Variants in RYR2 observed in about 807,000 individuals in gnomAD.
RYR2 encodes the protein cardiac muscle ryanodine receptor-calcium release channel.
Under a neutral mutation model 601.1 loss-of-function variants are expected in RYR2, and 227 were observed. The ratio of observed to expected loss-of-function variants is 0.38; its 90% CI spans 0.34 to 0.42. The LOEUF (loss-of-function observed/expected upper bound fraction) is 0.42, where lower values mean the gene tolerates loss of function less well. Among genes scored for constraint, RYR2 ranks in the 10% least tolerant of loss-of-function variants. RYR2 has a pLI of 1.00. For synonymous variants in RYR2, 2,223 were observed against 2,175.1 expected, an observed-to-expected ratio of 1.02 and a Z score of -0.61; for missense variants, 4,646 against 6,156.5, an observed-to-expected ratio of 0.75 and a Z score of 8.21.
At chr1:237,095,587 C>CTAGGCA (rs1217354201) in intron 1 of RYR2, among the ~76,000 whole-genome samples, 2 of 152,226 alleles carry the variant, frequency 1.3e-5, no homozygotes, top group African/African-American at 4.8e-5. Flanking sequence ...AGCTACAGAG[C>CTAGGCA]ATCCCCCTAG....
intron 53 of RYR2, 127 bp downstream of exon 53, chr1:237,656,111 G>A: frequency 1.2e-5 from 8 of 686,150 alleles, no homozygotes; most frequent in South Asian, 5.1e-5. Flanking sequence ...TTTTAATAGG[G>A]GTCCCTTTAA....
intron 34 of RYR2, among the ~76,000 whole-genome samples, chr1:237,598,084 T>G (rs1676079805): frequency 6.6e-6 from 1 of 152,112 alleles, no homozygotes; most frequent in Non-Finnish European, 1.5e-5. Flanking sequence ...TCAAAGAAGG[T>G]CATTAATAGA....
chr1:237,065,040 C>T (rs1218771224), intron 1 of RYR2, among the ~76,000 whole-genome samples: 2 of 151,900 alleles, frequency 1.3e-5, no homozygotes, highest in African/African-American at 4.8e-5. Context: ...TCTTAAGAAA[C>T]TTTTTAGGTT....
intron 4 of RYR2, among the ~76,000 whole-genome samples, chr1:237,359,454 G>A (rs1297963491): frequency 6.6e-6 from 1 of 152,156 alleles, no homozygotes; most frequent in African/African-American, 2.4e-5. Flanking sequence ...ACAGTGACCT[G>A]TTTTAACTTC....
chr1:237,801,962 T>C, intron 98 of RYR2, 46 bp downstream of exon 98: 1 of 1,202,124 alleles, frequency 8.3e-7, no homozygotes, highest in Non-Finnish European at 1.2e-6. Flanking sequence ...TCTGATTAGA[T>C]AAGACTGTGG....
In RYR2 at chr1:237,773,326, A is replaced by G. The variant is rs79211003; in HGVS notation, c.11647-194A>G. Among the ~76,000 whole-genome samples the G allele has an allele frequency of 5.1e-3, 775 of 152,304 alleles. 7 individuals carry two copies. Among genetic ancestry groups the G allele is most frequent in the African/African-American group, 0.018 (736 of 41,580 alleles). The stretch of plus-strand genomic sequence containing the variant: ...CTTGTCTTCTCTTCAGTTGTTAGCT[A>G]TATCTAAGAAGGAGGTTCACATATT... On this transcript the variant is annotated intron_variant, in intron 86 of 104. Transcript: ENST00000366574.
chr1:237,806,338 A>T, intron 99 of RYR2, 55 bp downstream of exon 99: 1 of 1,530,960 alleles, frequency 6.5e-7, no homozygotes, highest in Non-Finnish European at 8.9e-7. Context: ...AACAAATAAA[A>T]CAAAGAAAAA....
At position 237,680,447 on chromosome 1, in the gene RYR2, T is replaced by G; in HGVS notation, c.8896-9T>G. 2.5e-6 allele frequency: 4 copies of G among 1,607,992 alleles called. No individual in the cohort carries two copies. Among genetic ancestry groups the G allele is most frequent in the Non-Finnish European group, 3.4e-6 (4 of 1,175,616 alleles). On this transcript the variant is annotated splice_polypyrimidine_tract_variant and intron_variant, in intron 61 of 104. Coordinates refer to ENST00000366574, the MANE Select transcript of RYR2 (RefSeq NM_001035.3). ...CTACGTAGATCTGTCTTCTTTTCCTTTCTTTCAGGTCGTTCTTCCTTTAAT... is the reference window on the plus strand; with the variant it reads ...CTACGTAGATCTGTCTTCTTTTCCTGTCTTTCAGGTCGTTCTTCCTTTAAT...
chr1:237,589,869 A>G lies in RYR2; in HGVS notation c.3675A>G (p.Lys1225=). 1.2e-6 allele frequency: 2 copies of G among 1,613,914 alleles called. No individual in the cohort carries two copies. Among genetic ancestry groups the G allele is most frequent in the Non-Finnish European group, 1.7e-6 (2 of 1,179,870 alleles). The change falls in exon 30 of 105, where the codon AAA becomes AAG. Residue 1225 remains lysine, a synonymous_variant. Transcript: ENST00000366574. ...TTGGAAAGGATGTCAGCACCTTGAA[A>G]TATTTCACCATCTGTGGCTTACAAG... ...MNFGKDVSTL[K]YFTICGLQEG... is the part of the protein sequence containing the mutation.
chr1:237,827,873 C>T (rs774293989), intron 101 of RYR2, among the ~76,000 whole-genome samples: 16 of 125,622 alleles, frequency 1.3e-4, no homozygotes, highest in South Asian at 2.8e-4. Flanking sequence ...GGAGGCGGAG[C>T]TTGCAGTGAG....
chr1:237,446,463 T>C (rs1708345770), intron 14 of RYR2, among the ~76,000 whole-genome samples: 1 of 152,214 alleles, frequency 6.6e-6, no homozygotes, highest in African/African-American at 2.4e-5. Context: ...TCATTTCCTG[T>C]CATCATAAGT....
chr1:237,610,684 T>G lies in RYR2; in HGVS notation c.4684-78T>G. The G allele has an allele frequency of 8.7e-7, 1 of 1,153,916 alleles. No individual in the cohort carries two copies. 71.5% of individuals were successfully genotyped at this position (1,153,916 alleles called of 1,614,324 possible). A position where few individuals can be genotyped will look rare whatever the true frequency, so the allele number is the denominator to read the frequency against. On this transcript the variant is annotated intron_variant, in intron 35 of 104. Coordinates refer to ENST00000366574, the MANE Select transcript of RYR2 (RefSeq NM_001035.3). The surrounding 1 kb of genome is among the most constrained non-coding windows in gnomAD (Gnocchi z 4.9). ...TCTTACTTTCCCTGTCTCTGTCCTG[T>G]GCAGAATTCTAGTCATTACTTTGTG...
chr1:237,122,424 G>A (rs1007517955), intron 1 of RYR2, among the ~76,000 whole-genome samples: 1 of 152,254 alleles, frequency 6.6e-6, no homozygotes, highest in Admixed American at 6.5e-5. Context: ...GCTCATGCCT[G>A]TAATCCCAGC....
chr1:237,780,202 G>C (rs1694983042), intron 88 of RYR2, among the ~76,000 whole-genome samples: 1 of 152,182 alleles, frequency 6.6e-6, no homozygotes, highest in African/African-American at 2.4e-5. Context: ...AGAGGTACCT[G>C]ACTAGAGTTT....
In RYR2 at chr1:237,832,240, A is replaced by C. The variant is rs1235960594; in HGVS notation, c.14809-312A>C. On this transcript the variant is annotated intron_variant, in intron 104 of 104. Transcript: ENST00000366574. ...TTTTTTTTTTTTAATTTTAGTACAGACAAGATCTCTTATGTTGCTCAGGCT... is the reference window on the plus strand; with the variant it reads ...TTTTTTTTTTTTAATTTTAGTACAGCCAAGATCTCTTATGTTGCTCAGGCT... 2.0e-5 allele frequency among the ~76,000 whole-genome samples: 3 copies of C among 150,950 alleles called. No homozygotes were observed. The East Asian group carries it at 5.9e-4, about 29-fold the overall frequency.
intron 1 of RYR2, among the ~76,000 whole-genome samples, chr1:237,125,159 G>A (rs1034657310): frequency 1.3e-5 from 2 of 152,202 alleles, no homozygotes; most frequent in Admixed American, 6.5e-5. Context: ...GAGCCGAGAA[G>A]TATCTGTAAG....
At chr1:237,239,161 GA>G in intron 1 of RYR2, among the ~76,000 whole-genome samples, 1 of 152,186 alleles carries the variant, frequency 6.6e-6, no homozygotes, top group Middle Eastern at 3.4e-3. Flanking sequence ...TATTCCTTTT[GA>G]AAATGCTTCT....
Position 237,148,521 on chromosome 1 carries a change from A to ATATATATATAT in RYR2, c.48+105952_48+105953insTATATATATAT, listed in dbSNP as rs1417305977. On this transcript the variant is annotated intron_variant, in intron 1 of 104. Coordinates refer to ENST00000366574, the MANE Select transcript of RYR2 (RefSeq NM_001035.3). ...TGTATCCCAGAACTTCAAGTAAAAA[A>ATATATATATAT]AAAAAAATATATATATATATATATA... is the stretch of plus-strand genomic sequence containing the variant. 1.5e-3 allele frequency among the ~76,000 whole-genome samples: 66 copies of ATATATATATAT among 43,992 alleles called. 1 individual carries two copies. Among genetic ancestry groups the ATATATATATAT allele is most frequent in the South Asian group, 7.6e-3 (6 of 790 alleles). 28.9% of individuals were successfully genotyped at this position (43,992 alleles called of 152,430 possible). A position where few individuals can be genotyped will look rare whatever the true frequency, so the allele number is the denominator to read the frequency against.
At chr1:237,255,096 A>C (rs1163122886) in intron 1 of RYR2, among the ~76,000 whole-genome samples, 2 of 152,222 alleles carry the variant, frequency 1.3e-5, no homozygotes, top group African/African-American at 4.8e-5. Flanking sequence ...ATAAGTGAGC[A>C]ATCTTCAATG....
Sources: gnomAD v4.1 joint callset for allele counts (sites outside exome capture counted in the v4.1 genomes callset) on GRCh38, gnomAD v4.1.1 for gene constraint, Gnocchi (gnomAD v3.1) non-coding constraint, MANE v1.5 for transcripts, NCBI Gene and HGNC (gene_info 2026-07-23, HGNC 2026-07-21) for gene names.